TSHZ2: variants seen among roughly 807,000 people sequenced by gnomAD.
TSHZ2 encodes teashirt zinc finger homeobox 2.
TSHZ2 carries 21 observed loss-of-function variants against 74.4 expected under a neutral mutation model. That is an observed-to-expected ratio of 0.28 (90% CI 0.20 to 0.41). TSHZ2 has a LOEUF of 0.41. TSHZ2 is among the 10% of genes least tolerant of loss of function. TSHZ2 has a pLI of 1.00. For missense variants in TSHZ2, 1,244 were observed against 1,293.5 expected (o/e 0.96, Z 0.59); for synonymous variants, 540 against 515.3 (o/e 1.05, Z -0.65).
chr20:53,362,709 T>A (rs1441679954), intron 2 of TSHZ2, among the ~76,000 whole-genome samples: 1 of 152,240 alleles, frequency 6.6e-6, no homozygotes, highest in Non-Finnish European at 1.5e-5. Flanking sequence ...GGTAAGAATC[T>A]GATTGCTTTA....
intron 1 of TSHZ2, among the ~76,000 whole-genome samples, chr20:53,076,051 C>A (rs1043191648): frequency 2.0e-5 from 3 of 152,124 alleles, no homozygotes; most frequent in African/African-American, 7.2e-5. Context: ...ACTCTGAGAC[C>A]CTAGGACACT....
chr20:53,064,369 C>T (rs1298134161), intron 1 of TSHZ2, among the ~76,000 whole-genome samples: 1 of 152,164 alleles, frequency 6.6e-6, no homozygotes, highest in Admixed American at 6.5e-5. Context: ...GGCCATTAAG[C>T]AAAAGTCATG....
At chr20:53,057,013 G>C (rs1207886761) in intron 1 of TSHZ2, among the ~76,000 whole-genome samples, 1 of 152,064 alleles carries the variant, frequency 6.6e-6, no homozygotes, top group African/African-American at 2.4e-5. Flanking sequence ...GAATCATTGG[G>C]GCAGGTTTTT....
intron 2 of TSHZ2, among the ~76,000 whole-genome samples, chr20:53,376,994 A>ATC (rs1247700464): frequency 6.6e-6 from 1 of 152,244 alleles, no homozygotes; most frequent in Non-Finnish European, 1.5e-5. Flanking sequence ...ATCGGTGGCC[A>ATC]TCTCTCTTCT....
At chr20:53,041,589 G>A (rs771939258) in intron 1 of TSHZ2, among the ~76,000 whole-genome samples, 4 of 152,156 alleles carry the variant, frequency 2.6e-5, no homozygotes, top group Non-Finnish European at 5.9e-5. Context: ...ACCAGATACT[G>A]GATAGGCTAA....
In TSHZ2 at chr20:53,254,818, A is replaced by G. The variant is rs1600770548; in HGVS notation, c.1360A>G (p.Thr454Ala). Reference protein sequence around the residue: ...KPSSNSASDCTASTTELKKES... With the variant: ...KPSSNSASDCAASTTELKKES... ...ATCCAGTAACTCAGCATCAGATTGT[A>G]CAGCCTCTACAACTGAGTTAAAGAA... Residue 454 changes from threonine (T) to alanine (A), a missense_variant, in exon 2 of 3, where the codon ACA (threonine) becomes GCA (alanine). Thr to Ala is a moderately conservative substitution (Grantham distance 58, BLOSUM62 0). Transcript: ENST00000371497. 6 of 1,613,938 alleles carry G rather than the reference A, an allele frequency of 3.7e-6. No individual in the cohort carries two copies. Among genetic ancestry groups the G allele is most frequent in the Non-Finnish European group, 5.1e-6 (6 of 1,179,966 alleles).
chr20:53,136,824 GA>G (rs1987256816), intron 1 of TSHZ2, among the ~76,000 whole-genome samples: 2 of 152,036 alleles, frequency 1.3e-5, no homozygotes, highest in African/African-American at 4.8e-5. Context: ...GGAAGAAGGG[GA>G]AAAGAGATGT....
chr20:53,173,491 C>T (rs1245588873), intron 1 of TSHZ2, among the ~76,000 whole-genome samples: 1 of 152,108 alleles, frequency 6.6e-6, no homozygotes, highest in Admixed American at 6.5e-5. Flanking sequence ...ACCTGTAATC[C>T]CAGCTACTCA....
chr20:53,290,919 C>A (rs372271925), intron 2 of TSHZ2, among the ~76,000 whole-genome samples: 1 of 152,178 alleles, frequency 6.6e-6, no homozygotes, highest in Non-Finnish European at 1.5e-5. Context: ...TCTATGGCTG[C>A]TTTTGTGCTA....
intron 1 of TSHZ2, among the ~76,000 whole-genome samples, chr20:53,241,355 A>G (rs1246204314): frequency 2.0e-5 from 3 of 152,172 alleles, no homozygotes; most frequent in Non-Finnish European, 4.4e-5. Flanking sequence ...TGGCTCATTT[A>G]AAAGCTAACC....
intron 2 of TSHZ2, among the ~76,000 whole-genome samples, chr20:53,296,978 C>T (rs145479537): frequency 6.6e-6 from 1 of 152,230 alleles, no homozygotes; most frequent in Non-Finnish European, 1.5e-5. Flanking sequence ...ATTTCCAATC[C>T]ATTTACCCCA....
chr20:53,251,775 C>T (rs1990336939), intron 1 of TSHZ2, among the ~76,000 whole-genome samples: 1 of 152,206 alleles, frequency 6.6e-6, no homozygotes, highest in Non-Finnish European at 1.5e-5. Flanking sequence ...AGTTTTCCCA[C>T]AGTTTTCCCC....
At chr20:53,007,991 G>A (rs1264892665) in intron 1 of TSHZ2, among the ~76,000 whole-genome samples, 1 of 152,008 alleles carries the variant, frequency 6.6e-6, no homozygotes, top group Non-Finnish European at 1.5e-5. Context: ...GCCTATGTTT[G>A]TAAAGAAGAA....
chr20:53,324,756 T>C (rs1275124939), intron 2 of TSHZ2, among the ~76,000 whole-genome samples: 1 of 152,204 alleles, frequency 6.6e-6, no homozygotes, highest in Non-Finnish European at 1.5e-5. Context: ...TGTGGCACTT[T>C]GCCCATCTGC....
intron 1 of TSHZ2, among the ~76,000 whole-genome samples, chr20:53,062,311 A>C (rs1292546511): frequency 6.6e-6 from 1 of 152,266 alleles, no homozygotes; most frequent in Non-Finnish European, 1.5e-5. Flanking sequence ...AAGAGATATT[A>C]ACTATAAACG....
At chr20:53,447,160 C>T (rs1984585760) in intron 2 of TSHZ2, among the ~76,000 whole-genome samples, 1 of 152,192 alleles carries the variant, frequency 6.6e-6, no homozygotes, top group Non-Finnish European at 1.5e-5. Context: ...AGATGCCAAT[C>T]TCCTCTTCTT....
At chr20:53,329,926 T>C (rs1185364318) in intron 2 of TSHZ2, among the ~76,000 whole-genome samples, 1 of 152,172 alleles carries the variant, frequency 6.6e-6, no homozygotes, top group Non-Finnish European at 1.5e-5. Flanking sequence ...TAGATCAGGG[T>C]TGATACACTG....
chr20:53,078,507 T>C (rs1312440816), intron 1 of TSHZ2, among the ~76,000 whole-genome samples: 2 of 152,204 alleles, frequency 1.3e-5, no homozygotes, highest in African/African-American at 4.8e-5. Context: ...TGTTAACACT[T>C]TTCGATGTGG....
chr20:53,031,914 G>T (rs1395389047), intron 1 of TSHZ2, among the ~76,000 whole-genome samples: 1 of 152,036 alleles, frequency 6.6e-6, no homozygotes, highest in Non-Finnish European at 1.5e-5. Context: ...AGGAAAGAAG[G>T]AAGGGAGGGA....
Sources: gnomAD v4.1 joint callset for allele counts (sites outside exome capture counted in the v4.1 genomes callset) on GRCh38, gnomAD v4.1.1 for gene constraint, MANE v1.5 for transcripts, NCBI Gene and HGNC (gene_info 2026-07-23, HGNC 2026-07-21) for gene names.